RERE: variants seen among roughly 807,000 people sequenced by gnomAD.
RERE encodes arginine-glutamic acid dipeptide repeats protein.
Under a neutral mutation model 146.1 loss-of-function variants are expected in RERE, and 40 were observed. The ratio of observed to expected loss-of-function variants is 0.27; its 90% CI spans 0.21 to 0.36. RERE has a LOEUF of 0.36. Ranked by LOEUF, RERE falls within the 10% of genes least tolerant of loss-of-function variation. RERE has a pLI of 1.00. For synonymous variants in RERE, 1,003 were observed against 866.0 expected, an observed-to-expected ratio of 1.16 and a Z score of -2.78; for missense variants, 1,933 against 2,138.7, an observed-to-expected ratio of 0.90 and a Z score of 1.90.
At position 8,690,642 on chromosome 1, in the gene RERE, A is replaced by G. The variant is rs545460495; in HGVS notation, c.-144-34201T>C. 1.2e-4 allele frequency among the ~76,000 whole-genome samples: 18 copies of G among 152,358 alleles called. No individual in the cohort carries two copies. The South Asian group carries it at 3.1e-3, about 26-fold the overall frequency. On this transcript the variant is annotated intron_variant, in intron 1 of 22. Transcript: ENST00000400908. ...TGGTGGAGAATAATAGCTAAGAAGT[A>G]TTAAGTATTTACCTTTGTGGATAGT...
chr1:8,401,734 A>C (rs1643268944), intron 12 of RERE, among the ~76,000 whole-genome samples: 1 of 151,850 alleles, frequency 6.6e-6, no homozygotes, highest in East Asian at 1.9e-4. Flanking sequence ...ACTCCAGCCT[A>C]AACGACATCT....
At chr1:8,548,874 A>G (rs1233626049) in intron 6 of RERE, among the ~76,000 whole-genome samples, 1 of 152,004 alleles carries the variant, frequency 6.6e-6, no homozygotes, top group East Asian at 1.9e-4. Context: ...AATCTCAGCC[A>G]CTCGGGAGGC....
At chr1:8,522,003 G>C (rs1377360870) in intron 7 of RERE, among the ~76,000 whole-genome samples, 2 of 152,192 alleles carry the variant, frequency 1.3e-5, no homozygotes, top group African/African-American at 4.8e-5. Flanking sequence ...TGAATTAAGT[G>C]TTTTACCTTA....
chr1:8,479,303 T>C (rs1179856798), intron 10 of RERE, among the ~76,000 whole-genome samples: 1 of 151,874 alleles, frequency 6.6e-6, no homozygotes, highest in South Asian at 2.1e-4. Flanking sequence ...TTTTAAATTT[T>C]TTTTAAATTT....
chr1:8,703,395 CA>C (rs1639498526), intron 1 of RERE, among the ~76,000 whole-genome samples: 1 of 151,684 alleles, frequency 6.6e-6, no homozygotes, highest in African/African-American at 2.4e-5. Context: ...AGCACTGCCA[CA>C]TGCCGGTGAC....
At chr1:8,745,706 A>C (rs974710204) in intron 1 of RERE, among the ~76,000 whole-genome samples, 1 of 151,320 alleles carries the variant, frequency 6.6e-6, no homozygotes, top group African/African-American at 2.4e-5. Flanking sequence ...CCAGGCTTGA[A>C]CCTCCATGTC....
chr1:8,520,616 G>C (rs1031419919), intron 7 of RERE, among the ~76,000 whole-genome samples: 2 of 151,910 alleles, frequency 1.3e-5, no homozygotes, highest in Non-Finnish European at 2.9e-5. Flanking sequence ...AACCTACCGT[G>C]TATCTGGCAA....
chr1:8,730,837 T>G (rs918037851), intron 1 of RERE, among the ~76,000 whole-genome samples: 76 of 152,202 alleles, frequency 5.0e-4, no homozygotes, highest in Non-Finnish European at 1.5e-4. Flanking sequence ...TGAGTGGTTC[T>G]CAACCATTCA....
At chr1:8,489,397 GA>G (rs1176014867) in intron 10 of RERE, among the ~76,000 whole-genome samples, 21 of 150,872 alleles carry the variant, frequency 1.4e-4, no homozygotes, top group African/African-American at 4.9e-4. Flanking sequence ...TTAAAAGAAT[GA>G]AAAAAAGTCA....
At chr1:8,646,784 G>GC (rs957709499) in intron 2 of RERE, among the ~76,000 whole-genome samples, 3 of 152,168 alleles carry the variant, frequency 2.0e-5, no homozygotes, top group African/African-American at 7.2e-5. Flanking sequence ...ACTACTGTAA[G>GC]CAAGGACAGA....
At position 8,795,210 on chromosome 1, in the gene RERE, G is replaced by C. The variant is rs1006855913; in HGVS notation, c.-145+21950C>G. 2.6e-5 allele frequency among the ~76,000 whole-genome samples: 4 copies of C among 151,986 alleles called. No individual in the cohort carries two copies. The South Asian group carries it at 8.3e-4, about 31-fold the overall frequency. ...CAGGGTAATTTTTGTATTTTTAGTA[G>C]AGATGGGGTTTCATCATGTTGGCCA... On this transcript the variant is annotated intron_variant, in intron 1 of 22. Transcript: ENST00000400908.
intron 1 of RERE, among the ~76,000 whole-genome samples, chr1:8,752,003 C>G (rs1640547111): frequency 6.6e-6 from 1 of 150,404 alleles, no homozygotes; most frequent in African/African-American, 2.4e-5. Context: ...AAACTTAACA[C>G]AGCTCTTTAT....
chr1:8,400,222 A>ATATGTGTGTGTGTGTGTGTG (rs368219880), intron 12 of RERE, among the ~76,000 whole-genome samples: 6,393 of 139,978 alleles, frequency 0.046, 185 homozygotes, highest in Middle Eastern at 0.11. Flanking sequence ...CCTGTGTCAT[A>ATATGTGTGTGTGTGTGTGTG]TGTGTGTGTG....
At chr1:8,579,966 G>A (rs1412693198) in intron 4 of RERE, among the ~76,000 whole-genome samples, 1 of 152,058 alleles carries the variant, frequency 6.6e-6, no homozygotes, top group Non-Finnish European at 1.5e-5. Flanking sequence ...ATCGCGTCTG[G>A]GATCCAGCCT....
rs1052190063 is a variant in RERE at position 8,358,084 on chromosome 1, G to A, written c.4339+112C>T. On this transcript the variant is annotated intron_variant, in intron 20 of 22. Coordinates refer to ENST00000400908, the MANE Select transcript of RERE (RefSeq NM_001042681.2). Reference sequence around the variant, plus strand: ...AGCTCTTCTAAGATCTGCCAGGGATGAGGGATCTGTTCAGAAAAGAACAGT... The same window carrying A: ...AGCTCTTCTAAGATCTGCCAGGGATAAGGGATCTGTTCAGAAAAGAACAGT... 5 of 1,483,112 alleles carry A rather than the reference G, an allele frequency of 3.4e-6. No homozygotes were observed. In the African/African-American group the frequency reaches 7.0e-5, roughly 21 times the overall value. 91.9% of individuals were successfully genotyped at this position (1,483,112 alleles called of 1,614,324 possible).
intron 12 of RERE, among the ~76,000 whole-genome samples, chr1:8,407,908 C>T (rs186884547): frequency 6.6e-6 from 1 of 152,310 alleles, no homozygotes; most frequent in East Asian, 1.9e-4. Context: ...CTAGAGAGGT[C>T]TACCATGATT....
chr1:8,816,541 A>G (rs1641916060), intron 1 of RERE, among the ~76,000 whole-genome samples: 1 of 152,202 alleles, frequency 6.6e-6, no homozygotes, highest in South Asian at 2.1e-4. Context: ...CTCCTAGCAG[A>G]CACACATACA....
intron 6 of RERE, among the ~76,000 whole-genome samples, chr1:8,555,690 C>A (rs1370990675): frequency 1.3e-5 from 2 of 152,156 alleles, no homozygotes; most frequent in African/African-American, 4.8e-5. Context: ...ACTTCCTATA[C>A]CACTTAAAAG....
At chr1:8,453,528 G>A (rs952302799) in intron 11 of RERE, among the ~76,000 whole-genome samples, 3 of 152,196 alleles carry the variant, frequency 2.0e-5, no homozygotes, top group Non-Finnish European at 4.4e-5. Context: ...TCCTTAGGCC[G>A]GGCATGGCGG....
Sources: allele counts gnomAD v4.1 joint callset (sites outside exome capture counted in the v4.1 genomes callset), GRCh38; gene constraint gnomAD v4.1.1; transcripts MANE v1.5; gene names NCBI Gene and HGNC (gene_info 2026-07-23, HGNC 2026-07-21).